SLC35F1: variants seen among roughly 807,000 people sequenced by gnomAD.
The protein encoded by SLC35F1 is chromosome 6 open reading frame 169.
SLC35F1 carries 14 observed loss-of-function variants against 48.7 expected under a neutral mutation model. That is an observed-to-expected ratio of 0.29 (90% confidence interval 0.19 to 0.45). The LOEUF (loss-of-function observed/expected upper bound fraction) is 0.45, where lower values mean the gene tolerates loss of function less well. SLC35F1 is among the 20% of genes least tolerant of loss of function. SLC35F1 has a pLI of 1.00. For missense variants in SLC35F1, 404 were observed against 500.0 expected (o/e 0.81, Z 1.83); for synonymous variants, 190 against 202.2 (o/e 0.94, Z 0.51).
intron 2 of SLC35F1, among the ~76,000 whole-genome samples, chr6:118,233,300 C>T (rs9489325): frequency 0.92 from 139,716 of 152,270 alleles, 64,220 homozygotes; most frequent in East Asian, 0.98. Context: ...GATGTGAATA[C>T]GCAGTCAGGT....
intron 1 of SLC35F1, among the ~76,000 whole-genome samples, chr6:118,118,642 C>T (rs936908524): frequency 6.6e-6 from 1 of 151,860 alleles, no homozygotes; most frequent in African/African-American, 2.4e-5. Context: ...TTTTTTTAAT[C>T]GAGTTGTCAT....
Position 118,271,109 on chromosome 6 carries a change from T to TA in SLC35F1, c.637+3960dup, listed in dbSNP as rs1775845989. On this transcript the variant is annotated intron_variant, in intron 4 of 7. Transcript: ENST00000360388. The stretch of plus-strand genomic sequence containing the variant: ...AGCCAGGTAATCAAACACAATCAAG[T>TA]AAAAATGACACTTTTTATTGAGTGC... Among the ~76,000 whole-genome samples the TA allele has an allele frequency of 2.0e-5, 3 of 152,130 alleles. No individual in the cohort carries two copies. In the South Asian group the frequency reaches 6.2e-4, roughly 32 times the overall value.
chr6:118,258,937 T>G (rs1425124433), intron 3 of SLC35F1, among the ~76,000 whole-genome samples: 1 of 151,866 alleles, frequency 6.6e-6, no homozygotes, highest in Non-Finnish European at 1.5e-5. Context: ...AACACATAGA[T>G]GACTTACCAT....
chr6:118,163,424 T>TCACA (rs67416879), intron 2 of SLC35F1, among the ~76,000 whole-genome samples: 5 of 150,220 alleles, frequency 3.3e-5, no homozygotes, highest in Middle Eastern at 3.5e-3. Context: ...ACACTCACAC[T>TCACA]CACACACACA....
intron 7 of SLC35F1, among the ~76,000 whole-genome samples, chr6:118,290,578 C>T (rs1168703786): frequency 1.3e-5 from 2 of 151,650 alleles, no homozygotes; most frequent in Non-Finnish European, 2.9e-5. Flanking sequence ...ATTTATTTGC[C>T]TTAAAGAGTC....
chr6:118,239,059 GTCTC>G (rs147633202), intron 3 of SLC35F1, among the ~76,000 whole-genome samples: 7 of 148,408 alleles, frequency 4.7e-5, no homozygotes, highest in East Asian at 2.0e-4. Flanking sequence ...ATGAGAACAA[GTCTC>G]TCTCTCTCTC....
chr6:118,050,383 A>AAC (rs1554224656), intron 1 of SLC35F1, among the ~76,000 whole-genome samples: 1 of 151,624 alleles, frequency 6.6e-6, no homozygotes, highest in Non-Finnish European at 1.5e-5. Context: ...AAATTTCAAA[A>AAC]AAAAAAAAGG....
chr6:118,178,246 T>C (rs1774521920), intron 2 of SLC35F1, among the ~76,000 whole-genome samples: 1 of 152,072 alleles, frequency 6.6e-6, no homozygotes. Flanking sequence ...CTCACCTTCC[T>C]TACCTAGAAT....
chr6:118,221,314 A>G (rs1204264307), intron 2 of SLC35F1, among the ~76,000 whole-genome samples: 2 of 152,216 alleles, frequency 1.3e-5, no homozygotes, highest in Non-Finnish European at 1.5e-5. Context: ...CCGCAGCACA[A>G]GGGCAAGGCA....
At chr6:118,280,704 C>T (rs1391538948) in intron 6 of SLC35F1, among the ~76,000 whole-genome samples, 1 of 151,858 alleles carries the variant, frequency 6.6e-6, no homozygotes, top group Admixed American at 6.6e-5. Context: ...ATGGTGAAAC[C>T]GTGCCTCTAC....
chr6:118,152,294 G>A (rs1774072626), intron 1 of SLC35F1, among the ~76,000 whole-genome samples: 1 of 152,166 alleles, frequency 6.6e-6, no homozygotes, highest in African/African-American at 2.4e-5. Flanking sequence ...AGTGCTTCAT[G>A]GAGGAGTAAT....
chr6:117,912,142 G>A (rs1157900270), intron 1 of SLC35F1, among the ~76,000 whole-genome samples: 1 of 152,176 alleles, frequency 6.6e-6, no homozygotes, highest in Non-Finnish European at 1.5e-5. Flanking sequence ...CTGCCTCTTT[G>A]AGTCTTATGG....
chr6:118,253,026 T>C (rs935946439), intron 3 of SLC35F1, among the ~76,000 whole-genome samples: 2 of 151,916 alleles, frequency 1.3e-5, no homozygotes, highest in African/African-American at 4.8e-5. Flanking sequence ...GATAAGTAGG[T>C]GGTTATATGG....
chr6:118,205,405 C>G (rs1313515728), intron 2 of SLC35F1, among the ~76,000 whole-genome samples: 1 of 152,228 alleles, frequency 6.6e-6, no homozygotes, highest in Non-Finnish European at 1.5e-5. Context: ...GCTACTTTCT[C>G]TAACATTGTT....
At chr6:118,025,314 G>T (rs4549651) in intron 1 of SLC35F1, among the ~76,000 whole-genome samples, 151,427 of 152,294 alleles carry the variant, frequency 0.99, 75,290 homozygotes, top group Middle Eastern at 1. Context: ...TTTCTGATGT[G>T]TTTCTCAGGA....
At chr6:118,115,745 G>A (rs775733792) in intron 1 of SLC35F1, among the ~76,000 whole-genome samples, 6 of 152,220 alleles carry the variant, frequency 3.9e-5, no homozygotes, top group Middle Eastern at 3.4e-3. Flanking sequence ...AGTGACCCTC[G>A]TGCTGCCATC....
At chr6:118,002,693 C>A (rs1418617136) in intron 1 of SLC35F1, among the ~76,000 whole-genome samples, 1 of 151,886 alleles carries the variant, frequency 6.6e-6, no homozygotes, top group Non-Finnish European at 1.5e-5. Context: ...TCGACCCTTT[C>A]TCAGGTGACT....
chr6:118,212,743 G>GAAGGAAGA (rs1775019587), intron 2 of SLC35F1, among the ~76,000 whole-genome samples: 6 of 117,204 alleles, frequency 5.1e-5, no homozygotes, highest in Admixed American at 4.7e-4. Context: ...AGGAAGGAAG[G>GAAGGAAGA]AAGGAAGGAA....
chr6:118,164,795 T>TC (rs1774293993), intron 2 of SLC35F1, among the ~76,000 whole-genome samples: 1 of 152,226 alleles, frequency 6.6e-6, no homozygotes, highest in African/African-American at 2.4e-5. Context: ...ATGTTCTCCT[T>TC]CACTTGGCCC....
Sources: allele counts gnomAD v4.1 joint callset (sites outside exome capture counted in the v4.1 genomes callset), GRCh38; gene constraint gnomAD v4.1.1; transcripts MANE v1.5; gene names NCBI Gene and HGNC (gene_info 2026-07-23, HGNC 2026-07-21).